Variants in GALNT11 observed in about 807,000 individuals in gnomAD.
GALNT11 encodes the protein polypeptide N-acetylgalactosaminyltransferase 11, also known as UDP-GalNAc:polypeptide N-acetylgalactosaminyltransferase 11.
In GALNT11, 47 loss-of-function variants were observed where a neutral mutation model predicts 72.7. That is an observed-to-expected ratio of 0.65 (90% CI 0.51 to 0.82). The LOEUF (loss-of-function observed/expected upper bound fraction) is 0.82. Ranked by LOEUF, GALNT11 falls within the 40% of genes least tolerant of loss-of-function variation. The pLI is 0.00. For missense variants in GALNT11, 677 were observed against 778.4 expected (o/e 0.87, Z 1.55); for synonymous variants, 270 against 286.6 (o/e 0.94, Z 0.58).
At chr7:152,112,511 G>A (rs11982536) in intron 7 of GALNT11, among the ~76,000 whole-genome samples, 7 of 151,754 alleles carry the variant, frequency 4.6e-5, no homozygotes, top group Admixed American at 2.0e-4. Flanking sequence ...CACTCTAGCC[G>A]GGGGGACAAG....
intron 1 of GALNT11, 90 bp downstream of exon 1, chr7:152,025,974 G>T (rs2081987986): frequency 6.4e-6 from 1 of 155,436 alleles, no homozygotes; most frequent in South Asian, 1.7e-4. Context: ...GGCAGGCTGG[G>T]GGCGGCGGCG....
At chr7:152,099,342 TTTTATTTATTTATTTATTTATTTATTTA>T (rs143805862) in intron 2 of GALNT11, among the ~76,000 whole-genome samples, 1 of 143,578 alleles carries the variant, frequency 7.0e-6, no homozygotes, top group African/African-American at 2.6e-5. Flanking sequence ...AAAAATGGAC[TTTTATTTATTTATTTATTTATTTATTTA>T]TTTATTTATT....
chr7:152,038,821 G>A (rs771038176), intron 1 of GALNT11, among the ~76,000 whole-genome samples: 15 of 152,148 alleles, frequency 9.9e-5, no homozygotes, highest in Non-Finnish European at 1.6e-4. Flanking sequence ...CAGCTCCTTC[G>A]AGCACTCTAG....
rs148419747 is a variant in GALNT11 at position 152,031,432 on chromosome 7, G to A, written c.-39+5548G>A. 6.6e-4 allele frequency among the ~76,000 whole-genome samples: 100 copies of A among 152,346 alleles called. No individual in the cohort carries two copies. The East Asian group carries it at 0.015, about 23-fold the overall frequency. On this transcript the variant is annotated intron_variant, in intron 1 of 11. Coordinates refer to ENST00000430044, the MANE Select transcript of GALNT11 (RefSeq NM_022087.4). ...ATTTGAAGCACCGGTCCCTCAAGGA[G>A]TAGTGCCTGGTATCTAAGTAGGTGG...
chr7:152,113,349 T>C lies in GALNT11; in HGVS notation c.1184T>C (p.Met395Thr), dbSNP rs542995094. The change falls in exon 8 of 12, where the codon ATG (methionine) becomes ACG (threonine). Residue 395 changes from methionine to threonine, a missense_variant. Met to Thr is a moderately conservative substitution (Grantham distance 81). Transcript: ENST00000430044. ...GGATCTCCCGAAGGCCAGGACACCA[T>C]GACACACAACTCTTTGCGGCTGGCA... ...PYGSPEGQDT[M>T]THNSLRLAHV... is the part of the protein sequence containing the mutation. 2.5e-6 allele frequency: 4 copies of C among 1,614,070 alleles called. No individual in the cohort carries two copies. Among genetic ancestry groups the C allele is most frequent in the Admixed American group, 3.3e-5 (2 of 60,006 alleles).
At chr7:152,052,529 A>G (rs955843637) in intron 1 of GALNT11, among the ~76,000 whole-genome samples, 3 of 152,160 alleles carry the variant, frequency 2.0e-5, no homozygotes, top group African/African-American at 2.4e-5. Context: ...TTTCTTAAAG[A>G]TCTTCGTACC....
At chr7:152,033,060 G>A (rs2082380813) in intron 1 of GALNT11, among the ~76,000 whole-genome samples, 1 of 152,156 alleles carries the variant, frequency 6.6e-6, no homozygotes, top group South Asian at 2.1e-4. Flanking sequence ...AAATGTACCC[G>A]GGGCTCAGTG....
chr7:152,109,089 A>G (rs1011747858), intron 6 of GALNT11, among the ~76,000 whole-genome samples: 2 of 152,248 alleles, frequency 1.3e-5, no homozygotes, highest in African/African-American at 4.8e-5. Context: ...ACGTAGCAGT[A>G]TTCACACAGG....
At chr7:152,058,994 C>T (rs915548752) in intron 1 of GALNT11, among the ~76,000 whole-genome samples, 2 of 151,578 alleles carry the variant, frequency 1.3e-5, no homozygotes, top group Non-Finnish European at 2.9e-5. Context: ...AAGGTTGGAA[C>T]CAACTTCTTC....
intron 1 of GALNT11, among the ~76,000 whole-genome samples, chr7:152,042,105 C>T (rs1285196534): frequency 6.6e-6 from 1 of 152,194 alleles, no homozygotes; most frequent in Non-Finnish European, 1.5e-5. Flanking sequence ...GTTTAACATA[C>T]CTTGTGGCAA....
In GALNT11 at chr7:152,121,868, T is replaced by C. The variant is rs2089457534; in HGVS notation, c.*191T>C. Reference sequence around the variant, plus strand: ...CTGACAGAGACGGGAGCTCTGAGTGTCCACGGGTGAAGAAGTGAGTGTCCA... The same window carrying C: ...CTGACAGAGACGGGAGCTCTGAGTGCCCACGGGTGAAGAAGTGAGTGTCCA... On this transcript the variant is annotated 3_prime_UTR_variant, in exon 12 of 12. Coordinates refer to ENST00000430044, the MANE Select transcript of GALNT11 (RefSeq NM_022087.4). 1.7e-6 allele frequency: 1 copy of C among 597,362 alleles called. No homozygotes were observed. The highest frequency in any genetic ancestry group is 2.5e-5 in the South Asian group (1 of 40,252). 37.0% of individuals were successfully genotyped at this position (597,362 alleles called of 1,614,324 possible). A position where few individuals can be genotyped will look rare whatever the true frequency, so the allele number is the denominator to read the frequency against.
rs757685453 is a variant in GALNT11, at chr7:152,094,290, A to G, written c.63A>G (p.Thr21=). ...YGCLFTSATW[T]VLLFVYFNFS... is the part of the protein sequence containing the mutation. ...GCCTTTTTACATCTGCGACCTGGACAGTTTTGCTTTTTGTTTATTTCAACT... is the reference window on the plus strand; with the variant it reads ...GCCTTTTTACATCTGCGACCTGGACGGTTTTGCTTTTTGTTTATTTCAACT... The change falls in exon 2 of 12, where the codon ACA becomes ACG. Residue 21 remains threonine, a synonymous_variant. Coordinates refer to ENST00000430044, the MANE Select transcript of GALNT11 (RefSeq NM_022087.4). The surrounding 1 kb of genome is among the most constrained non-coding windows in gnomAD (Gnocchi z 4.3). The G allele has an allele frequency of 8.7e-6, 14 of 1,614,012 alleles. No homozygotes were observed. Among genetic ancestry groups the G allele is most frequent in the South Asian group, 1.1e-5 (1 of 91,068 alleles).
In GALNT11 at chr7:152,117,224, A is replaced by C. The variant is rs200391608; in HGVS notation, c.1301A>C (p.Glu434Ala). The change falls in exon 9 of 12, where the codon GAA (glutamate) becomes GCA (alanine). Residue 434 changes from glutamate to alanine, a missense_variant. Transcript: ENST00000430044. The part of the protein sequence containing the change: ...KSYGNISERV[E>A]LRKKLGCKSF... ...TATGGCAATATCAGTGAGCGTGTGG[A>C]ACTGAGAAAGAAGTTGGGCTGTAAA... 180 of 1,614,058 alleles carry C rather than the reference A, an allele frequency of 1.1e-4. No homozygotes were observed. The highest frequency in any genetic ancestry group is 2.3e-4 in the Admixed American group (14 of 60,004).
intron 1 of GALNT11, among the ~76,000 whole-genome samples, chr7:152,035,250 G>A (rs1563039762): frequency 2.0e-5 from 3 of 152,162 alleles, no homozygotes; most frequent in South Asian, 4.1e-4. Flanking sequence ...TAATTGGTGA[G>A]CCCGGGTGCC....
At chr7:152,072,735 A>G (rs73730347) in intron 1 of GALNT11, among the ~76,000 whole-genome samples, 7,615 of 152,240 alleles carry the variant, frequency 0.05, 650 homozygotes, top group African/African-American at 0.17. Flanking sequence ...CTGTTAGCCA[A>G]TCGGGTTTTA....
rs776561894 is a variant in GALNT11, at chr7:152,110,660, G to A, written c.1080+15G>A. 29 of 1,493,468 alleles carry A rather than the reference G, an allele frequency of 1.9e-5. No individual in the cohort carries two copies. Among genetic ancestry groups the A allele is most frequent in the Non-Finnish European group, 6.5e-6 (7 of 1,074,400 alleles). The allele number at this position is 1,493,468 out of a possible 1,614,324, so 92.5% of individuals were successfully genotyped here. ...TATCATTTCGGGTAATTTAATTTTT[G>A]CATGCTCAATTAATAACTGTGTAGT... On this transcript the variant is annotated intron_variant, in intron 7 of 11. Coordinates refer to ENST00000430044, the MANE Select transcript of GALNT11 (RefSeq NM_022087.4).
chr7:152,044,373 C>T (rs1463781593), intron 1 of GALNT11, among the ~76,000 whole-genome samples: 1 of 152,182 alleles, frequency 6.6e-6, no homozygotes, highest in Admixed American at 6.5e-5. Flanking sequence ...GGGTTTTCCA[C>T]CCTGGGTGGG....
chr7:152,043,090 C>G (rs985090606), intron 1 of GALNT11, among the ~76,000 whole-genome samples: 4 of 152,204 alleles, frequency 2.6e-5, no homozygotes, highest in Non-Finnish European at 4.4e-5. Context: ...TTTAATTTCA[C>G]TTTTCCCCAT....
intron 1 of GALNT11, among the ~76,000 whole-genome samples, chr7:152,047,920 C>G (rs74486676): frequency 0.013 from 2,049 of 152,038 alleles, 127 homozygotes; most frequent in Admixed American, 0.11. Context: ...TCTTTCTACT[C>G]AAGACATGTA....
Sources: gnomAD v4.1 joint callset for allele counts (sites outside exome capture counted in the v4.1 genomes callset) on GRCh38, gnomAD v4.1.1 for gene constraint, Gnocchi (gnomAD v3.1) non-coding constraint, MANE v1.5 for transcripts, NCBI Gene and HGNC (gene_info 2026-07-23, HGNC 2026-07-21) for gene names.